The following ZNF503 variants were observed in gnomAD, a reference collection of about 807,000 sequenced individuals.
ZNF503 encodes the protein NocA-like zinc finger 2.
In ZNF503, 15 loss-of-function variants were observed where a neutral mutation model predicts 34.4. That is an observed-to-expected ratio of 0.44 (90% CI 0.29 to 0.67). The LOEUF (loss-of-function observed/expected upper bound fraction) is 0.67, where lower values mean the gene tolerates loss of function less well. Ranked by LOEUF, ZNF503 falls within the 30% of genes least tolerant of loss-of-function variation. ZNF503 has a pLI of 0.13. For missense variants in ZNF503, 1,007 were observed against 926.8 expected (o/e 1.09, Z -1.12); for synonymous variants, 580 against 456.8 (o/e 1.27, Z -3.44).
chr10:75,358,791 T>C, the ZNF503 span: 2 of 152,196 alleles, frequency 1.3e-5, no homozygotes, highest in Non-Finnish European at 1.5e-5. Context: ...ATGACTCCAA[T>C]GGCGCATGTC....
At chr10:75,285,507 G>T in the ZNF503 span, among the ~76,000 whole-genome samples, 9 of 152,192 alleles carry the variant, frequency 5.9e-5, no homozygotes, top group Non-Finnish European at 1.2e-4. Context: ...AACTAAATTG[G>T]AGAGAGACTT....
At chr10:75,382,426 ATC>A in the ZNF503 span, 1 of 441,546 alleles carries the variant, frequency 2.3e-6, no homozygotes. Flanking sequence ...GTCGGAGACT[ATC>A]TGTTTCCATT....
At chr10:75,304,543 A>G in the ZNF503 span, among the ~76,000 whole-genome samples, 1 of 152,218 alleles carries the variant, frequency 6.6e-6, no homozygotes, top group African/African-American at 2.4e-5. Context: ...TATGTCCACC[A>G]GTTGGGCTGG....
Position 75,399,167 on chromosome 10 carries a change from G to T in ZNF503, c.1523C>A (p.Pro508His), listed in dbSNP as rs1251742060. The stretch of plus-strand genomic sequence containing the variant: ...GCAGATGTGGGGGAGTGGGTCGTTA[G>T]GGAGCATAAAGCCGTAGGGGTAGAG... ...HPLYPYGFML[P>H]NDPLPHICNW... Residue 508 changes from proline to histidine, a missense_variant, in exon 2 of 2, where the codon CCT becomes CAT. Transcript: ENST00000372524. 1.9e-6 allele frequency: 3 copies of T among 1,612,612 alleles called. No individual in the cohort carries two copies. The highest frequency in any genetic ancestry group is 3.3e-5 in the Admixed American group (2 of 59,992).
At chr10:75,360,751 A>G in the ZNF503 span, 4 of 152,280 alleles carry the variant, frequency 2.6e-5, no homozygotes, top group Admixed American at 1.3e-4. Flanking sequence ...TTCAAGGGCA[A>G]TCAACCTACA....
Position 75,399,451 on chromosome 10 carries a change from C to A in ZNF503, c.1239G>T (p.Leu413Phe). 3.8e-6 allele frequency: 6 copies of A among 1,591,040 alleles called. No individual in the cohort carries two copies. Among genetic ancestry groups the A allele is most frequent in the East Asian group, 2.3e-5 (1 of 44,244 alleles). Residue 413 changes from leucine to phenylalanine, a missense_variant, in exon 2 of 2, where the codon TTG becomes TTT. Leu to Phe is a conservative substitution (Grantham distance 22). Coordinates refer to ENST00000372524, the MANE Select transcript of ZNF503 (RefSeq NM_032772.6). The part of the protein sequence containing the change: ...GCSKPAGSSP[L>F]AGASPPSVMT... ...TCACGGACGGCGGAGACGCTCCGGC[C>A]AAAGGGCTGGAGCCGGCCGGCTTAC...
the ZNF503 span, among the ~76,000 whole-genome samples, chr10:75,344,437 C>A: frequency 6.6e-6 from 1 of 152,204 alleles, no homozygotes; most frequent in African/African-American, 2.4e-5. Context: ...TAAGCTGAAA[C>A]CTTCAGCCTG....
the ZNF503 span, among the ~76,000 whole-genome samples, chr10:75,324,342 AC>A: frequency 6.8e-6 from 1 of 147,810 alleles, no homozygotes; most frequent in Non-Finnish European, 1.5e-5. Context: ...TTTTTTTGAG[AC>A]AGGGTCTCGC....
At chr10:75,281,696 G>A in the ZNF503 span, among the ~76,000 whole-genome samples, 1 of 152,320 alleles carries the variant, frequency 6.6e-6, no homozygotes, top group South Asian at 2.1e-4. Flanking sequence ...TAACCACTCA[G>A]GACATTGTCT....
chr10:75,295,598 A>G, the ZNF503 span: 1 of 151,980 alleles, frequency 6.6e-6, no homozygotes, highest in Admixed American at 6.6e-5. This position sits in a 1 kb window ranked among gnomAD's most constrained non-coding sequence, Gnocchi z 4.0. Context: ...GTGAAACCCC[A>G]CTCCTTAGAC....
the ZNF503 span, among the ~76,000 whole-genome samples, chr10:75,303,831 C>CA: frequency 8.0e-6 from 1 of 124,488 alleles, no homozygotes. Context: ...GTGGCTAAAT[C>CA]TTTTTTTTTT....
the ZNF503 span, among the ~76,000 whole-genome samples, chr10:75,370,928 T>C: frequency 1.1e-3 from 165 of 152,234 alleles, 1 homozygote; most frequent in Non-Finnish European, 1.6e-3. Context: ...AGTGAAGCTG[T>C]TTTATGCTGG....
At chr10:75,348,499 CT>C in the ZNF503 span, among the ~76,000 whole-genome samples, 5 of 142,590 alleles carry the variant, frequency 3.5e-5, no homozygotes, top group Non-Finnish European at 4.6e-5. Context: ...CGCCTGGCCC[CT>C]ATTACTATTT....
chr10:75,354,451 G>A, the ZNF503 span, among the ~76,000 whole-genome samples: 4 of 152,132 alleles, frequency 2.6e-5, no homozygotes, highest in Admixed American at 6.5e-5. Flanking sequence ...GGTAGGTCAC[G>A]CCTATAATCC....
the ZNF503 span, among the ~76,000 whole-genome samples, chr10:75,302,977 T>C: frequency 2.0e-5 from 3 of 152,074 alleles, no homozygotes; most frequent in Non-Finnish European, 4.4e-5. Context: ...AATTCTAGAG[T>C]GTTGAAGTGG....
the ZNF503 span, among the ~76,000 whole-genome samples, chr10:75,391,493 C>G: frequency 6.6e-6 from 1 of 152,188 alleles, no homozygotes; most frequent in South Asian, 2.1e-4. Context: ...GACTGCCCAC[C>G]TCTAGTCTGG....
chr10:75,314,559 A>T, the ZNF503 span, among the ~76,000 whole-genome samples: 2 of 152,216 alleles, frequency 1.3e-5, no homozygotes, highest in Non-Finnish European at 2.9e-5. Context: ...ATGGGACACC[A>T]TCAAAAGATC....
At chr10:75,367,852 C>T in the ZNF503 span, among the ~76,000 whole-genome samples, 2 of 152,176 alleles carry the variant, frequency 1.3e-5, no homozygotes, top group Non-Finnish European at 2.9e-5. Context: ...GGGACTGCCA[C>T]ACCTCCCCCT....
At chr10:75,285,765 G>T in the ZNF503 span, among the ~76,000 whole-genome samples, 1,865 of 152,274 alleles carry the variant, frequency 0.012, 41 homozygotes, top group African/African-American at 0.043. Context: ...TGCTGGAGAG[G>T]ACCCAAGGGG....
Sources: allele counts gnomAD v4.1 joint callset (sites outside exome capture counted in the v4.1 genomes callset), GRCh38; gene constraint gnomAD v4.1.1; non-coding constraint Gnocchi (gnomAD v3.1); transcripts MANE v1.5; gene names NCBI Gene and HGNC (gene_info 2026-07-23, HGNC 2026-07-21).